The following NOL10 variants were observed in gnomAD, a reference collection of about 807,000 sequenced individuals.
NOL10 encodes nucleolar protein 10.
A neutral mutation model predicts 103.5 loss-of-function variants in NOL10; 58 were observed. That is an observed-to-expected ratio of 0.56 (90% CI 0.45 to 0.70). The LOEUF is 0.70. Ranked by LOEUF, NOL10 falls within the 30% of genes least tolerant of loss-of-function variation. NOL10 has a pLI of 0.00. For missense variants in NOL10, 763 were observed against 807.3 expected (o/e 0.95, Z 0.67); for synonymous variants, 287 against 282.5 (o/e 1.02, Z -0.16).
At chr2:10,572,221 AAG>A (rs757307136) in intron 20 of NOL10, 31 bp from the exon 21 acceptor site, 11 of 1,611,794 alleles carry the variant, frequency 6.8e-6, no homozygotes, top group African/African-American at 2.7e-5. Flanking sequence ...AGTAGAGGGA[AAG>A]AGAGAAAATT....
intron 13 of NOL10, among the ~76,000 whole-genome samples, chr2:10,624,386 G>C (rs893522809): frequency 1.3e-5 from 2 of 151,866 alleles, no homozygotes; most frequent in East Asian, 1.9e-4. Context: ...AAGTGGAGCA[G>C]AACAGAGGGA....
At chr2:10,663,935 A>C (rs1680391374) in intron 8 of NOL10, among the ~76,000 whole-genome samples, 1 of 151,098 alleles carries the variant, frequency 6.6e-6, no homozygotes, top group East Asian at 2.0e-4. Context: ...TGGGCGACAG[A>C]GCGAGACTCC....
intron 11 of NOL10, 70 bp from the exon 12 acceptor site, chr2:10,654,617 G>T: frequency 1.1e-6 from 1 of 875,366 alleles, no homozygotes. Flanking sequence ...TCAAACTGAA[G>T]CTGTAACTCA....
intron 13 of NOL10, among the ~76,000 whole-genome samples, chr2:10,621,272 CA>C (rs200212418): frequency 1.4e-4 from 21 of 150,852 alleles, no homozygotes; most frequent in Admixed American, 3.3e-4. Context: ...TGGTGAGAGG[CA>C]AAAAAAACCA....
At chr2:10,608,748 G>C (rs1484581505) in intron 13 of NOL10, among the ~76,000 whole-genome samples, 4 of 152,252 alleles carry the variant, frequency 2.6e-5, no homozygotes, top group African/African-American at 7.2e-5. Context: ...GTAAATGTTA[G>C]ATATGGCCAT....
intron 11 of NOL10, among the ~76,000 whole-genome samples, chr2:10,655,364 T>G (rs1315868022): frequency 1.3e-5 from 2 of 151,410 alleles, no homozygotes; most frequent in African/African-American, 4.9e-5. Flanking sequence ...GCATGGAAAA[T>G]GAGGACAACA....
chr2:10,671,752 C>T (rs530544328), intron 5 of NOL10, 62 bp from the exon 6 acceptor site: 7 of 1,306,600 alleles, frequency 5.4e-6, no homozygotes, highest in African/African-American at 3.0e-5. Flanking sequence ...ACTTCATTAT[C>T]GCTAAAAAAC....
rs569560076 is a variant in NOL10, at chr2:10,657,836, T to A, written c.812A>T (p.Tyr271Phe). Residue 271 changes from tyrosine (Y) to phenylalanine (F), a missense_variant, in exon 11 of 21, where the codon TAT becomes TTT. Transcript: ENST00000381685. ...DKPLLVKDHQ[Y>F]GLPIKSVHFQ... ...ATGAACGGACTTAATGGGCAGCCCA[T>A]ACTGGTGATCTTTAACTAGCAATGG... 1 of 1,550,400 alleles carries A rather than the reference T, an allele frequency of 6.4e-7. No individual in the cohort carries two copies. Among genetic ancestry groups the A allele is most frequent in the African/African-American group, 1.4e-5 (1 of 73,134 alleles).
At chr2:10,620,290 C>T (rs7572489) in intron 13 of NOL10, among the ~76,000 whole-genome samples, 54,763 of 151,650 alleles carry the variant, frequency 0.36, 10,239 homozygotes, top group African/African-American at 0.4. Context: ...CTAAGGGTAC[C>T]GATATATGTA....
At chr2:10,682,162 A>G (rs1331099937) in intron 2 of NOL10, 93 bp from the exon 3 acceptor site, 1 of 453,176 alleles carries the variant, frequency 2.2e-6, no homozygotes, top group Middle Eastern at 5.7e-4. Flanking sequence ...CACCACAACT[A>G]TAAACAGGTG....
chr2:10,574,077 C>T (rs1033385137), intron 20 of NOL10, among the ~76,000 whole-genome samples: 8 of 152,192 alleles, frequency 5.3e-5, no homozygotes, highest in East Asian at 3.8e-4. Context: ...AAGCACTTGC[C>T]GCAGTTCTAA....
chr2:10,659,325 T>A, intron 9 of NOL10, 75 bp from the exon 10 acceptor site: 1 of 392,082 alleles, frequency 2.6e-6, no homozygotes, highest in Non-Finnish European at 5.0e-6. Flanking sequence ...ATTATTAGTC[T>A]TCACTTCAAA....
At position 10,644,336 on chromosome 2, in the gene NOL10, C is replaced by T; in HGVS notation, c.1010G>A (p.Gly337Asp). ...LLTANETPKMGIYYIPVLGPA... is the reference protein window; with the variant it reads ...LLTANETPKMDIYYIPVLGPA... The stretch of plus-strand genomic sequence containing the variant: ...ATTACTTACTGGAATGTAATAGATG[C>T]CCATCTTGGGGGTTTCATTGGCCGT... The change falls in exon 13 of 21, where the codon GGC becomes GAC. Residue 337 changes from glycine to aspartate, a missense_variant. Gly to Asp is a moderately conservative substitution (Grantham distance 94). Transcript: ENST00000381685. The T allele has an allele frequency of 1.3e-6, 2 of 1,538,032 alleles. No homozygotes were observed. The highest frequency in any genetic ancestry group is 2.1e-5 in the Admixed American group (1 of 47,630).
intron 17 of NOL10, among the ~76,000 whole-genome samples, chr2:10,598,654 AG>A (rs1449560294): frequency 2.0e-5 from 3 of 152,224 alleles, no homozygotes; most frequent in Non-Finnish European, 4.4e-5. Context: ...ACGTCAAAAG[AG>A]CAAAGGATGA....
intron 16 of NOL10, 136 bp downstream of exon 16, chr2:10,602,640 T>C (rs1676040515): frequency 1.6e-6 from 1 of 634,356 alleles, no homozygotes; most frequent in South Asian, 2.2e-5. Context: ...AAACAAACTA[T>C]ACCAAAAATA....
intron 10 of NOL10, among the ~76,000 whole-genome samples, chr2:10,658,724 G>A (rs72777324): frequency 0.26 from 39,735 of 152,076 alleles, 5,367 homozygotes; most frequent in South Asian, 0.47. Flanking sequence ...TCCCAAGACT[G>A]TCTGACCACA....
chr2:10,640,194 C>G (rs1678604540), intron 13 of NOL10, among the ~76,000 whole-genome samples: 1 of 152,204 alleles, frequency 6.6e-6, no homozygotes, highest in Non-Finnish European at 1.5e-5. Flanking sequence ...TTCTTTGGTT[C>G]TATAGGCCTC....
chr2:10,684,671 T>C, intron 1 of NOL10, 59 bp from the exon 2 acceptor site: 2 of 1,353,300 alleles, frequency 1.5e-6, no homozygotes, highest in Non-Finnish European at 2.1e-6. Context: ...GTTTTTCGGC[T>C]TGCAAAATCA....
intron 13 of NOL10, among the ~76,000 whole-genome samples, chr2:10,619,863 G>A (rs1677036772): frequency 6.6e-6 from 1 of 152,176 alleles, no homozygotes; most frequent in Non-Finnish European, 1.5e-5. Context: ...GAATTCCAGT[G>A]CAGTTTCCTA....
Sources: allele counts gnomAD v4.1 joint callset (sites outside exome capture counted in the v4.1 genomes callset), GRCh38; gene constraint gnomAD v4.1.1; transcripts MANE v1.5; gene names NCBI Gene and HGNC (gene_info 2026-07-23, HGNC 2026-07-21).